PTPRN2: variants seen among roughly 807,000 people sequenced by gnomAD.
PTPRN2 encodes the protein protein tyrosine phosphatase receptor type N2.
A neutral mutation model predicts 118.8 loss-of-function variants in PTPRN2; 74 were observed. The ratio of observed to expected loss-of-function variants is 0.62; its 90% confidence interval spans 0.52 to 0.76. The LOEUF (loss-of-function observed/expected upper bound fraction) is 0.76. Among genes scored for constraint, PTPRN2 ranks in the 30% least tolerant of loss-of-function variants. The pLI is 0.00. For missense variants in PTPRN2, 1,481 were observed against 1,394.4 expected, an observed-to-expected ratio of 1.06 and a Z score of -0.99; for synonymous variants, 641 against 608.0, an observed-to-expected ratio of 1.05 and a Z score of -0.80.
intron 12 of PTPRN2, among the ~76,000 whole-genome samples, chr7:157,859,950 C>T (rs1466939013): frequency 2.8e-5 from 4 of 143,682 alleles, no homozygotes; most frequent in Non-Finnish European, 4.6e-5. Context: ...GAGAGCCCCC[C>T]AGCCACTGTA....
intron 1 of PTPRN2, among the ~76,000 whole-genome samples, chr7:158,504,030 T>C (rs1822569849): frequency 1.3e-5 from 2 of 151,992 alleles, no homozygotes; most frequent in South Asian, 2.1e-4. Flanking sequence ...TTGTTTTATA[T>C]CATAAAAGCC....
intron 3 of PTPRN2, among the ~76,000 whole-genome samples, chr7:158,217,425 T>A (rs1367590783): frequency 6.6e-6 from 1 of 152,136 alleles, no homozygotes; most frequent in Non-Finnish European, 1.5e-5. Flanking sequence ...AAAACTCTTA[T>A]GAGAAATAAC....
chr7:157,557,749 T>TG (rs1798978351), intron 21 of PTPRN2, among the ~76,000 whole-genome samples: 1 of 152,222 alleles, frequency 6.6e-6, no homozygotes, highest in African/African-American at 2.4e-5. Flanking sequence ...CTTATTCACT[T>TG]GAAAATCAAG....
intron 5 of PTPRN2, among the ~76,000 whole-genome samples, chr7:158,185,332 T>G (rs1251463334): frequency 6.6e-6 from 1 of 152,232 alleles, no homozygotes; most frequent in African/African-American, 2.4e-5. Flanking sequence ...TTAGCAGTTT[T>G]TAGGTGTATC....
At position 158,363,952 on chromosome 7, in the gene PTPRN2, C is replaced by T. The variant is rs979261064; in HGVS notation, c.164-47020G>A. Among the ~76,000 whole-genome samples, 4 of 152,180 alleles carry T rather than the reference C, an allele frequency of 2.6e-5. No individual in the cohort carries two copies. In the East Asian group the frequency reaches 7.7e-4, roughly 29 times the overall value. On this transcript the variant is annotated intron_variant, in intron 2 of 22. Coordinates refer to ENST00000389418, the MANE Select transcript of PTPRN2 (RefSeq NM_002847.5). Reference sequence around the variant, plus strand: ...CCACACACACACATGCACAGACACACATGCACATGGGGAGACACACACACG... The same window carrying T: ...CCACACACACACATGCACAGACACATATGCACATGGGGAGACACACACACG...
intron 12 of PTPRN2, among the ~76,000 whole-genome samples, chr7:157,713,706 GGC>G (rs1161547980): frequency 6.6e-6 from 1 of 152,094 alleles, no homozygotes; most frequent in African/African-American, 2.4e-5. Flanking sequence ...CTCTTATTCC[GGC>G]GTCTTTCCCA....
intron 11 of PTPRN2, among the ~76,000 whole-genome samples, chr7:157,980,241 A>T (rs1033485738): frequency 2.6e-5 from 4 of 152,240 alleles, no homozygotes; most frequent in Non-Finnish European, 5.9e-5. Flanking sequence ...CTTCATAGGC[A>T]GGCTGCACAC....
chr7:158,006,100 G>A (rs936347389), intron 11 of PTPRN2, among the ~76,000 whole-genome samples: 2 of 152,064 alleles, frequency 1.3e-5, no homozygotes, highest in African/African-American at 4.8e-5. Flanking sequence ...TCCCTTCTTG[G>A]GGCACCTGCT....
At chr7:158,390,946 C>T (rs1208106971) in intron 2 of PTPRN2, among the ~76,000 whole-genome samples, 1 of 152,166 alleles carries the variant, frequency 6.6e-6, no homozygotes, top group Non-Finnish European at 1.5e-5. Flanking sequence ...CAGGCTCTGT[C>T]CGCTGTCAGG....
Position 157,666,979 on chromosome 7 carries a change from T to C in PTPRN2, c.2002-10428A>G, listed in dbSNP as rs181595393. On this transcript the variant is annotated intron_variant, in intron 13 of 22. Transcript: ENST00000389418. ...CACAGCCTGGCTTGCACGCTCAGCC[T>C]GTGGGACACTGATCTCTGGTGTGTG... 9.6e-3 allele frequency among the ~76,000 whole-genome samples: 1,203 copies of C among 125,144 alleles called. 31 individuals are homozygous for C. Among genetic ancestry groups the C allele is most frequent in the South Asian group, 0.094 (329 of 3,488 alleles). 82.1% of individuals were successfully genotyped at this position (125,144 alleles called of 152,430 possible). A position where few individuals can be genotyped will look rare whatever the true frequency, so the allele number is the denominator to read the frequency against.
At chr7:158,440,941 GTGA>G (rs1437219962) in intron 2 of PTPRN2, among the ~76,000 whole-genome samples, 2 of 147,500 alleles carry the variant, frequency 1.4e-5, no homozygotes, top group Non-Finnish European at 3.0e-5. Flanking sequence ...GATGGTGGTG[GTGA>G]TGATGGTGAT....
Position 158,546,427 on chromosome 7 carries a change from T to C in PTPRN2, c.112+41131A>G, listed in dbSNP as rs1826283992. On this transcript the variant is annotated intron_variant, in intron 1 of 22. Coordinates refer to ENST00000389418, the MANE Select transcript of PTPRN2 (RefSeq NM_002847.5). The surrounding 1 kb of genome is among the most constrained non-coding windows in gnomAD (Gnocchi z 5.0). ...CTTTGGGCACCACAGCCCGGAATGG[T>C]GCTGGAATCACAGCCGCCGGGTTAA... 6.6e-6 allele frequency among the ~76,000 whole-genome samples: 1 copy of C among 152,098 alleles called. No individual in the cohort carries two copies. Among genetic ancestry groups the C allele is most frequent in the Non-Finnish European group, 1.5e-5 (1 of 67,990 alleles).
chr7:157,774,652 G>A (rs1026559850), intron 12 of PTPRN2, among the ~76,000 whole-genome samples: 4 of 152,186 alleles, frequency 2.6e-5, no homozygotes, highest in African/African-American at 7.2e-5. Flanking sequence ...CTGTAACTGC[G>A]GTTAAGGGGT....
intron 11 of PTPRN2, among the ~76,000 whole-genome samples, chr7:158,011,139 C>T (rs150304967): frequency 1.0e-3 from 155 of 152,332 alleles, no homozygotes; most frequent in African/African-American, 3.6e-3. Context: ...AGGATCTCTG[C>T]GGTGATTTTA....
In PTPRN2 at chr7:157,785,250, G is replaced by A. The variant is rs1405058312; in HGVS notation, c.1789-102313C>T. ...GCCCCACAGGCTTGCACCGGGGTGC[G>A]GCCTGCCCTGTCTGGGGCGCCAAGG... is the stretch of plus-strand genomic sequence containing the variant. On this transcript the variant is annotated intron_variant, in intron 12 of 22. Transcript: ENST00000389418. The surrounding 1 kb of genome is among the most constrained non-coding windows in gnomAD (Gnocchi z 7.3). 3.9e-5 allele frequency among the ~76,000 whole-genome samples: 6 copies of A among 152,198 alleles called. No homozygotes were observed. Among genetic ancestry groups the A allele is most frequent in the Non-Finnish European group, 7.4e-5 (5 of 68,018 alleles).
intron 2 of PTPRN2, among the ~76,000 whole-genome samples, chr7:158,376,931 G>A (rs113199885): frequency 6.5e-5 from 5 of 76,848 alleles, no homozygotes; most frequent in Non-Finnish European, 1.0e-4. Flanking sequence ...TCCTGCACGC[G>A]GGGTCAGGGG....
chr7:157,846,711 C>T (rs1056547399), intron 12 of PTPRN2, among the ~76,000 whole-genome samples: 47 of 137,674 alleles, frequency 3.4e-4, no homozygotes, highest in African/African-American at 6.3e-4. Flanking sequence ...CTCCATCATG[C>T]GTGCCCGATA....
intron 10 of PTPRN2, among the ~76,000 whole-genome samples, chr7:158,085,583 C>A (rs146425678): frequency 0.024 from 2,896 of 118,986 alleles, 90 homozygotes; most frequent in East Asian, 0.12. Flanking sequence ...ACCCTCGACG[C>A]CCATCCAGAT....
intron 3 of PTPRN2, among the ~76,000 whole-genome samples, chr7:158,301,651 T>C (rs772942746): frequency 2.6e-5 from 4 of 152,172 alleles, no homozygotes; most frequent in Non-Finnish European, 5.9e-5. Flanking sequence ...AAATTAATCT[T>C]AAGAACAATC....
Sources: allele counts gnomAD v4.1 joint callset (sites outside exome capture counted in the v4.1 genomes callset), GRCh38; gene constraint gnomAD v4.1.1; non-coding constraint Gnocchi (gnomAD v3.1); transcripts MANE v1.5; gene names NCBI Gene and HGNC (gene_info 2026-07-23, HGNC 2026-07-21).